PACS1: variants seen among roughly 807,000 people sequenced by gnomAD.
PACS1 encodes the protein phosphofurin acidic cluster sorting protein 1.
Under a neutral mutation model 115.0 loss-of-function variants are expected in PACS1, and 24 were observed. The observed-to-expected ratio is 0.21, with a 90% CI of 0.15 to 0.29. The LOEUF (loss-of-function observed/expected upper bound fraction) is 0.29. Ranked by LOEUF, PACS1 falls within the 10% of genes least tolerant of loss-of-function variation. PACS1 has a pLI of 1.00. For synonymous variants in PACS1, 453 were observed against 504.5 expected (o/e 0.90, Z 1.37); for missense variants, 838 against 1,251.2 (o/e 0.67, Z 4.98).
At chr11:66,175,334 A>G (rs1397826224) in intron 1 of PACS1, among the ~76,000 whole-genome samples, 1 of 152,000 alleles carries the variant, frequency 6.6e-6, no homozygotes, top group Non-Finnish European at 1.5e-5. Context: ...TCACAGTAAT[A>G]TGTTTGATTG....
intron 1 of PACS1, among the ~76,000 whole-genome samples, chr11:66,189,670 A>G (rs1854472660): frequency 6.6e-6 from 1 of 152,250 alleles, no homozygotes; most frequent in African/African-American, 2.4e-5. Flanking sequence ...TAAGCAGAGA[A>G]GAAACTCATG....
At chr11:66,147,562 TAGTA>T (rs1383663604) in intron 1 of PACS1, among the ~76,000 whole-genome samples, 2 of 152,184 alleles carry the variant, frequency 1.3e-5, no homozygotes, top group South Asian at 2.1e-4. Flanking sequence ...ATGCTAAAAA[TAGTA>T]AGTATGTAGG....
intron 1 of PACS1, among the ~76,000 whole-genome samples, chr11:66,119,995 A>C (rs1172830998): frequency 1.3e-5 from 2 of 152,194 alleles, no homozygotes; most frequent in African/African-American, 2.4e-5. Context: ...GACCTTGAGC[A>C]GCTTATCTAA....
chr11:66,145,310 A>G (rs1220107518), intron 1 of PACS1, among the ~76,000 whole-genome samples: 1 of 152,158 alleles, frequency 6.6e-6, no homozygotes, highest in Non-Finnish European at 1.5e-5. Context: ...AGGGTACAGC[A>G]GGCCGTGAAA....
chr11:66,070,587 C>CGCAGCA lies in PACS1; in HGVS notation c.116_121dup (p.Gln39_Gln40dup), dbSNP rs749515977. On this transcript the variant is annotated inframe_insertion, in exon 1 of 24. Coordinates refer to ENST00000320580, the MANE Select transcript of PACS1 (RefSeq NM_018026.4). The surrounding 1 kb of genome is among the most constrained non-coding windows in gnomAD (Gnocchi z 5.9). ...GCCCAGTCCCCTCAGCAGCCGCCGCCGCAGCAGCAGCAGCAGCAGCCGCCG... is the reference window on the plus strand; with the variant it reads ...GCCCAGTCCCCTCAGCAGCCGCCGCCGCAGCAGCAGCAGCAGCAGCAGCAGCCGCCG... The CGCAGCA allele has an allele frequency of 1.1e-5, 17 of 1,493,874 alleles. No individual in the cohort carries two copies. Among genetic ancestry groups the CGCAGCA allele is most frequent in the African/African-American group, 5.8e-5 (4 of 68,494 alleles). The allele number at this position is 1,493,874 out of a possible 1,614,324, so 92.5% of individuals were successfully genotyped here.
At chr11:66,075,383 G>A (rs916599849) in intron 1 of PACS1, among the ~76,000 whole-genome samples, 4 of 152,104 alleles carry the variant, frequency 2.6e-5, no homozygotes, top group Non-Finnish European at 5.9e-5. Flanking sequence ...TGGGACCATA[G>A]GCACTTGCCA....
intron 2 of PACS1, 71 bp downstream of exon 2, chr11:66,193,644 C>T (rs1854582512): frequency 8.7e-6 from 9 of 1,033,014 alleles, no homozygotes; most frequent in Non-Finnish European, 1.1e-5. Flanking sequence ...GCTGCGGCTT[C>T]AGAAACACTA....
At chr11:66,170,281 T>C (rs1384044591) in intron 1 of PACS1, among the ~76,000 whole-genome samples, 1 of 150,582 alleles carries the variant, frequency 6.6e-6, no homozygotes, top group Admixed American at 6.6e-5. Context: ...TTTAGGCTTA[T>C]TTGGCTGTCC....
chr11:66,179,452 C>T (rs1208349399), intron 1 of PACS1, among the ~76,000 whole-genome samples: 1 of 152,176 alleles, frequency 6.6e-6, no homozygotes, highest in Non-Finnish European at 1.5e-5. Context: ...GCTGGGATTA[C>T]AGACGTGAGC....
intron 1 of PACS1, among the ~76,000 whole-genome samples, chr11:66,125,763 G>A (rs1858556130): frequency 6.6e-6 from 1 of 152,138 alleles, no homozygotes; most frequent in Non-Finnish European, 1.5e-5. Flanking sequence ...GGGCAGGCCG[G>A]GCATGGTGGC....
At position 66,193,599 on chromosome 11, in the gene PACS1, A is replaced by G. The variant is rs745988905; in HGVS notation, c.444+26A>G. 2.6e-6 allele frequency: 4 copies of G among 1,540,792 alleles called. No individual in the cohort carries two copies. The South Asian group carries it at 4.5e-5, about 17-fold the overall frequency. ...GTGAGTGGGGCAGGACTGTTTGTTC[A>G]GGGCCCAGGGAAGCTGGATAACCAT... is the stretch of plus-strand genomic sequence containing the variant. On this transcript the variant is annotated intron_variant, in intron 2 of 23. Coordinates refer to ENST00000320580, the MANE Select transcript of PACS1 (RefSeq NM_018026.4).
chr11:66,223,742 C>G (rs1471826179), intron 10 of PACS1, among the ~76,000 whole-genome samples: 2 of 152,188 alleles, frequency 1.3e-5, no homozygotes, highest in Non-Finnish European at 2.9e-5. Flanking sequence ...CTAACTGAGA[C>G]AGTGCCCCAA....
intron 10 of PACS1, 122 bp downstream of exon 10, chr11:66,221,369 T>G: frequency 1.2e-6 from 1 of 800,728 alleles, no homozygotes; most frequent in Non-Finnish European, 2.1e-6. Context: ...CCCCATTGGC[T>G]GGGCATGGTG....
chr11:66,141,873 T>C (rs955805803), intron 1 of PACS1, among the ~76,000 whole-genome samples: 1 of 151,220 alleles, frequency 6.6e-6, no homozygotes, highest in Non-Finnish European at 1.5e-5. Context: ...GTGGCACATC[T>C]CAGCTCACGG....
chr11:66,175,001 A>G (rs1859821778), intron 1 of PACS1, among the ~76,000 whole-genome samples: 1 of 152,086 alleles, frequency 6.6e-6, no homozygotes, highest in African/African-American at 2.4e-5. Flanking sequence ...AACTACAAAA[A>G]TGAGCTGGGC....
In PACS1 at chr11:66,096,863, CTCTT is replaced by C. The variant is rs1010228624; in HGVS notation, c.356+26023_356+26026del. Among the ~76,000 whole-genome samples the C allele has an allele frequency of 6.0e-5, 9 of 150,546 alleles. No individual in the cohort carries two copies. The East Asian group carries it at 9.7e-4, about 16-fold the overall frequency. On this transcript the variant is annotated intron_variant, in intron 1 of 23. Coordinates refer to ENST00000320580, the MANE Select transcript of PACS1 (RefSeq NM_018026.4). ...TACATTTTCATTTCTCCCTCTCTCTCTCTTTTTTTTTTTTTTAATGTAGAGACAG... is the reference window on the plus strand; with the variant it reads ...TACATTTTCATTTCTCCCTCTCTCTCTTTTTTTTTTTTAATGTAGAGACAG...
chr11:66,090,736 AAGAT>A (rs1165115154), intron 1 of PACS1, among the ~76,000 whole-genome samples: 4 of 152,210 alleles, frequency 2.6e-5, no homozygotes, highest in African/African-American at 9.6e-5. Context: ...TCTGAGGAGA[AAGAT>A]AGAATCACTA....
At chr11:66,227,080 T>C (rs536551867) in intron 10 of PACS1, among the ~76,000 whole-genome samples, 1 of 152,344 alleles carries the variant, frequency 6.6e-6, no homozygotes, top group African/African-American at 2.4e-5. Context: ...TGGATGTCTT[T>C]AGTCTCAAAA....
intron 1 of PACS1, among the ~76,000 whole-genome samples, chr11:66,110,666 C>G (rs1858167757): frequency 6.6e-6 from 1 of 152,138 alleles, no homozygotes; most frequent in African/African-American, 2.4e-5. Context: ...GCCTCTGCCT[C>G]CTGGGTTCAA....
Sources: gnomAD v4.1 joint callset for allele counts (sites outside exome capture counted in the v4.1 genomes callset) on GRCh38, gnomAD v4.1.1 for gene constraint, Gnocchi (gnomAD v3.1) non-coding constraint, MANE v1.5 for transcripts, NCBI Gene and HGNC (gene_info 2026-07-23, HGNC 2026-07-21) for gene names.